Variants in RRN3 observed in about 807,000 individuals in gnomAD.
The protein encoded by RRN3 is RNA polymerase I transcription factor RRN3, also known as RNA polymerase I-specific transcription initiation factor RRN3.
In RRN3, 38 loss-of-function variants were observed where a neutral mutation model predicts 82.3. The observed-to-expected ratio is 0.46, with a 90% CI of 0.36 to 0.61. The LOEUF is 0.61. RRN3 is among the 20% of genes least tolerant of loss of function. RRN3 has a pLI of 0.00. For synonymous variants in RRN3, 284 were observed against 284.3 expected (o/e 1.00, Z 0.01); for missense variants, 726 against 793.1 (o/e 0.92, Z 1.02).
intron 10 of RRN3, 71 bp from the exon 11 acceptor site, chr16:15,074,932 A>G (rs1389746215): frequency 1.1e-5 from 15 of 1,401,784 alleles, no homozygotes; most frequent in Admixed American, 2.2e-5. Flanking sequence ...GAAAACTGTC[A>G]TAAGTGATTA....
At chr16:15,065,193 C>T in intron 16 of RRN3, 26 bp downstream of exon 16, 1 of 1,570,172 alleles carries the variant, frequency 6.4e-7, no homozygotes, top group Middle Eastern at 1.7e-4. Flanking sequence ...CCACCTCCTC[C>T]AGCGTCAATG....
chr16:15,066,609 G>A (rs1393245717), intron 15 of RRN3, among the ~76,000 whole-genome samples: 1 of 151,256 alleles, frequency 6.6e-6, no homozygotes, highest in Non-Finnish European at 1.5e-5. Context: ...CTCCAGCCTG[G>A]GTGACAGAGC....
intron 9 of RRN3, among the ~76,000 whole-genome samples, chr16:15,076,962 G>C (rs2151792092): frequency 6.7e-6 from 1 of 148,608 alleles, no homozygotes; most frequent in African/African-American, 2.5e-5. Flanking sequence ...GTCTGGCTCT[G>C]TGTCCCCACC....
intron 3 of RRN3, 117 bp from the exon 4 acceptor site, chr16:15,086,571 T>C: frequency 6.8e-7 from 1 of 1,472,782 alleles, no homozygotes; most frequent in Non-Finnish European, 9.1e-7. Flanking sequence ...GGTCACAAAC[T>C]TGGAAGGAAC....
rs754869744 is a variant in RRN3 at position 15,063,259 on chromosome 16, A to G, written c.1731T>C (p.Ile577=). The change falls in exon 17 of 18, where the codon ATT becomes ATC. Residue 577 remains isoleucine (I), a synonymous_variant. Coordinates refer to ENST00000198767, the MANE Select transcript of RRN3 (RefSeq NM_018427.5). ...LKRSKKFIDP[I]YQVWEDMSAE... Reference sequence around the variant, plus strand: ...CACTCATGTCTTCCCACACCTGATAAATAGGATCAATGAATTTCTTTGACC... The same window carrying G: ...CACTCATGTCTTCCCACACCTGATAGATAGGATCAATGAATTTCTTTGACC... 2.5e-6 allele frequency: 4 copies of G among 1,613,240 alleles called. No individual in the cohort carries two copies. The African/African-American group carries it at 5.3e-5, about 22-fold the overall frequency.
At chr16:15,089,376 T>C (rs980469057) in intron 3 of RRN3, among the ~76,000 whole-genome samples, 2 of 151,888 alleles carry the variant, frequency 1.3e-5, no homozygotes, top group Non-Finnish European at 2.9e-5. Context: ...AGGACACAGG[T>C]AGATTTCAAA....
intron 3 of RRN3, among the ~76,000 whole-genome samples, chr16:15,089,325 G>C (rs1339934513): frequency 6.6e-6 from 1 of 151,980 alleles, no homozygotes; most frequent in East Asian, 1.9e-4. Flanking sequence ...AATAAGTCTG[G>C]AGCCCACAAG....
intron 10 of RRN3, 122 bp from the exon 11 acceptor site, chr16:15,074,983 C>T: frequency 3.9e-6 from 4 of 1,022,116 alleles, no homozygotes; most frequent in Non-Finnish European, 5.6e-6. Context: ...GGGAAAGCGG[C>T]TCACATCTAT....
rs1158088920 is a variant in RRN3 at position 15,061,645 on chromosome 16, T to C, written c.*99A>G. 1.2e-5 allele frequency: 14 copies of C among 1,199,116 alleles called. No homozygotes were observed. Among genetic ancestry groups the C allele is most frequent in the African/African-American group, 3.0e-5 (2 of 66,724 alleles). The allele number at this position is 1,199,116 out of a possible 1,614,324, so 74.3% of individuals were successfully genotyped here. On this transcript the variant is annotated 3_prime_UTR_variant, in exon 18 of 18. Coordinates refer to ENST00000198767, the MANE Select transcript of RRN3 (RefSeq NM_018427.5). ...CAGCCGAGGCAGGCACTCGCTCTAG[T>C]TCAATGCCATCAATGCCCAATGGCA...
chr16:15,073,053 T>A lies in RRN3; in HGVS notation c.1025A>T (p.Asp342Val), dbSNP rs776911236. The change falls in exon 12 of 18, where the codon GAT becomes GTT. Residue 342 changes from aspartate to valine, a missense_variant. By Grantham distance (152) the Asp-to-Val change is radical (BLOSUM62 -3). Transcript: ENST00000198767. ...GATGTTTATCAGGTCGCGATATAGA[T>A]CCTTTGTTTTGCCGTTATCAACCTT... is the stretch of plus-strand genomic sequence containing the variant. ...DGKVDNGKTK[D>V]LYRDLINIFD... The A allele has an allele frequency of 6.2e-7, 1 of 1,612,350 alleles. No individual in the cohort carries two copies. The highest frequency in any genetic ancestry group is 1.1e-5 in the South Asian group (1 of 90,368).
At chr16:15,086,033 A>G (rs2045904549) in intron 5 of RRN3, 96 bp downstream of exon 5, 1 of 1,044,494 alleles carries the variant, frequency 9.6e-7, no homozygotes, top group Non-Finnish European at 1.4e-6. Context: ...ATGCATCTGG[A>G]ATCTTCCATG....
Position 15,061,573 on chromosome 16 carries a change from A to G in RRN3, c.*171T>C, listed in dbSNP as rs2044711010. The G allele has an allele frequency of 3.9e-6, 2 of 514,302 alleles. No individual in the cohort carries two copies. Among genetic ancestry groups the G allele is most frequent in the Admixed American group, 6.9e-5 (2 of 28,780 alleles). 31.9% of individuals were successfully genotyped at this position (514,302 alleles called of 1,614,324 possible). On this transcript the variant is annotated 3_prime_UTR_variant, in exon 18 of 18. Transcript: ENST00000198767. The stretch of plus-strand genomic sequence containing the variant: ...CTGTAAGGGGAACAACAACAACAAA[A>G]AAACCCAGTCTTCAGATGCTTGATT...
chr16:15,061,009 G>A lies in RRN3; in HGVS notation c.*735C>T, dbSNP rs937769221. 6.6e-6 allele frequency: 1 copy of A among 152,172 alleles called. No homozygotes were observed. The highest frequency in any genetic ancestry group is 1.5e-5 in the Non-Finnish European group (1 of 68,042). 9.4% of individuals were successfully genotyped at this position (152,172 alleles called of 1,614,324 possible). ...CAGTCTGTGTGAATTACATCTACCT[G>A]GACCTCCATTTTTGTCTTTTAAATC... On this transcript the variant is annotated 3_prime_UTR_variant, in exon 18 of 18. Coordinates refer to ENST00000198767, the MANE Select transcript of RRN3 (RefSeq NM_018427.5).
rs2045376975 is a variant in RRN3 at position 15,074,724 on chromosome 16, A to G, written c.996T>C (p.Asp332=). 3 of 1,611,804 alleles carry G rather than the reference A, an allele frequency of 1.9e-6. No homozygotes were observed. In the South Asian group the frequency reaches 3.3e-5, roughly 18 times the overall value. Residue 332 remains aspartate, a splice_region_variant and synonymous_variant, in exon 11 of 18, where the codon GAT becomes GAC. Coordinates refer to ENST00000198767, the MANE Select transcript of RRN3 (RefSeq NM_018427.5). ...TAAACAGTAGCTACTGTGATTTACC[A>G]TCTACATAGCAGACATCCTTCATGT... The part of the protein sequence containing the change: ...LSYMKDVCYV[D]GKVDNGKTKD...
intron 12 of RRN3, among the ~76,000 whole-genome samples, chr16:15,072,705 A>C (rs2045287950): frequency 6.6e-6 from 1 of 152,144 alleles, no homozygotes; most frequent in Non-Finnish European, 1.5e-5. Flanking sequence ...GTAAGGACTG[A>C]GAGTCCGTTG....
intron 6 of RRN3, 24 bp downstream of exon 6, chr16:15,085,615 G>A (rs757258366): frequency 1.2e-5 from 20 of 1,607,808 alleles, no homozygotes; most frequent in Non-Finnish European, 1.6e-5. Flanking sequence ...ACTGTGCCCA[G>A]GCTTTAAACC....
chr16:15,072,630 C>G (rs943238991), intron 12 of RRN3, among the ~76,000 whole-genome samples: 2 of 152,072 alleles, frequency 1.3e-5, no homozygotes, highest in African/African-American at 4.8e-5. Flanking sequence ...TGGCGAAACC[C>G]CACCTCTTCT....
At chr16:15,083,742 G>A in intron 7 of RRN3, 160 bp from the exon 8 acceptor site, 2 of 956,212 alleles carry the variant, frequency 2.1e-6, no homozygotes, top group Non-Finnish European at 3.0e-6. Context: ...TTGAGACGGA[G>A]TTTCGCTCTT....
chr16:15,092,421 C>A (rs1345260541), intron 2 of RRN3, 88 bp downstream of exon 2: 3 of 787,608 alleles, frequency 3.8e-6, no homozygotes, highest in Non-Finnish European at 6.7e-6. Context: ...CTTAATTAAT[C>A]TTGCTATTTC....
Sources: gnomAD v4.1 joint callset for allele counts (sites outside exome capture counted in the v4.1 genomes callset) on GRCh38, gnomAD v4.1.1 for gene constraint, MANE v1.5 for transcripts, NCBI Gene and HGNC (gene_info 2026-07-23, HGNC 2026-07-21) for gene names.